The following TP53BP2 variants were observed in gnomAD, a reference collection of about 807,000 sequenced individuals.
TP53BP2 encodes tumor protein p53 binding protein 2.
In TP53BP2, 62 loss-of-function variants were observed where a neutral mutation model predicts 126.2. The observed-to-expected ratio is 0.49, with a 90% confidence interval of 0.40 to 0.61. The LOEUF (loss-of-function observed/expected upper bound fraction) is 0.61. TP53BP2 is among the 20% of genes least tolerant of loss of function. TP53BP2 has a pLI of 0.00. For synonymous variants in TP53BP2, 485 were observed against 502.9 expected (o/e 0.96, Z 0.48); for missense variants, 1,215 against 1,402.8 (o/e 0.87, Z 2.14).
chr1:223,829,100 G>C (rs759109752), intron 1 of TP53BP2, among the ~76,000 whole-genome samples: 4 of 152,146 alleles, frequency 2.6e-5, no homozygotes, highest in Non-Finnish European at 5.9e-5. Context: ...GCAGAGGCAG[G>C]GGAATCACTT....
chr1:223,845,580 A>G, intron 1 of TP53BP2, 74 bp downstream of exon 1: 1 of 1,422,802 alleles, frequency 7.0e-7, no homozygotes, highest in East Asian at 3.0e-5. Context: ...GACGCGCCCG[A>G]GGGCGCGGAC....
chr1:223,792,361 T>C, intron 15 of TP53BP2, 28 bp downstream of exon 15: 3 of 1,580,282 alleles, frequency 1.9e-6, no homozygotes, highest in Non-Finnish European at 2.6e-6. Flanking sequence ...CAACTGAAGT[T>C]TGACTGGAGT....
intron 15 of TP53BP2, 47 bp from the exon 16 acceptor site, chr1:223,789,221 G>C: frequency 6.3e-7 from 1 of 1,592,712 alleles, no homozygotes; most frequent in Non-Finnish European, 8.6e-7. Context: ...TAAACTGAAT[G>C]ACACCTGCTG....
chr1:223,798,367 G>A lies in TP53BP2; in HGVS notation c.1796C>T (p.Thr599Ile), dbSNP rs1200351268. 2 of 1,614,168 alleles carry A rather than the reference G, an allele frequency of 1.2e-6. No homozygotes were observed. The highest frequency in any genetic ancestry group is 1.7e-6 in the Non-Finnish European group (2 of 1,180,030). The change falls in exon 12 of 18, where the codon ACC becomes ATC. Residue 599 changes from threonine (T) to isoleucine (I), a missense_variant. By Grantham distance (89) the Thr-to-Ile change is moderately conservative. This residue lies in a region of TP53BP2 where 814 missense variants were observed against 853.0 expected (regional missense o/e 0.95). Coordinates refer to ENST00000343537, the MANE Select transcript of TP53BP2 (RefSeq NM_001031685.3). ...RPFTPQPSKDTLLPPFRKPQT... is the reference protein window; with the variant it reads ...RPFTPQPSKDILLPPFRKPQT... ...GGGTTTTCTGAAGGGTGGAAGTAAG[G>A]TGTCTTTGGAAGGCTGGGGAGTAAA...
At chr1:223,787,698 C>T (rs1662017406) in intron 16 of TP53BP2, among the ~76,000 whole-genome samples, 1 of 152,094 alleles carries the variant, frequency 6.6e-6, no homozygotes, top group Admixed American at 6.6e-5. Context: ...GACAACATGG[C>T]AAAATTCCAT....
Position 223,784,207 on chromosome 1 carries a change from T to C in TP53BP2, c.3271A>G (p.Thr1091Ala). 6.2e-7 allele frequency: 1 copy of C among 1,614,216 alleles called. No homozygotes were observed. The highest frequency in any genetic ancestry group is 8.5e-7 in the Non-Finnish European group (1 of 1,180,046). Residue 1091 changes from threonine (T) to alanine (A), a missense_variant, in exon 17 of 18, where the codon ACA (threonine) becomes GCA (alanine). Around this residue, in one of 4 missense-constraint regions of TP53BP2, gnomAD observed 151 missense variants for 231.2 expected, o/e 0.65. Coordinates refer to ENST00000343537, the MANE Select transcript of TP53BP2 (RefSeq NM_001031685.3). ...ELPMKEGDCM[T>A]IIHREDEDEI... ...TCTTCGTCTTCCCTGTGGATGATTG[T>C]CATGCAGTCTCCTTCTTTCATGGGC...
chr1:223,837,426 C>T lies in TP53BP2; in HGVS notation c.27+8228G>A, dbSNP rs79860858. 6.8e-3 allele frequency among the ~76,000 whole-genome samples: 1,037 copies of T among 152,164 alleles called. 10 individuals carry two copies. Among genetic ancestry groups the T allele is most frequent in the African/African-American group, 0.024 (1,002 of 41,510 alleles). ...TTCTCTTTAGCCCCATAGGAAGGAG[C>T]TTGTGGATACAGGAGTGATCTTCCA... On this transcript the variant is annotated intron_variant, in intron 1 of 17. Coordinates refer to ENST00000343537, the MANE Select transcript of TP53BP2 (RefSeq NM_001031685.3).
chr1:223,824,764 G>C (rs916254512), intron 1 of TP53BP2, among the ~76,000 whole-genome samples: 1 of 152,004 alleles, frequency 6.6e-6, no homozygotes, highest in African/African-American at 2.4e-5. Flanking sequence ...AGCCTACAAG[G>C]TCTGCTGTAG....
intron 1 of TP53BP2, among the ~76,000 whole-genome samples, chr1:223,834,469 G>A (rs182590384): frequency 5.3e-5 from 8 of 152,142 alleles, no homozygotes; most frequent in African/African-American, 1.9e-4. Flanking sequence ...TAACAACAGT[G>A]TGTATTAATC....
intron 16 of TP53BP2, among the ~76,000 whole-genome samples, chr1:223,788,539 GA>G (rs908708412): frequency 6.6e-6 from 1 of 151,996 alleles, no homozygotes; most frequent in South Asian, 2.1e-4. Flanking sequence ...AAACAAAAGA[GA>G]AAAAAATAAA....
chr1:223,789,240 T>C, intron 15 of TP53BP2, 66 bp from the exon 16 acceptor site: 1 of 1,565,022 alleles, frequency 6.4e-7, no homozygotes, highest in South Asian at 1.2e-5. Flanking sequence ...TGATAAGATA[T>C]CTGGAAAGAA....
At chr1:223,805,546 C>T (rs184907552) in intron 5 of TP53BP2, among the ~76,000 whole-genome samples, 2 of 152,318 alleles carry the variant, frequency 1.3e-5, no homozygotes, top group Admixed American at 6.5e-5. Flanking sequence ...GTATTACAAA[C>T]AGAAATGGAT....
chr1:223,841,729 G>GTA (rs1327902590), intron 1 of TP53BP2, among the ~76,000 whole-genome samples: 3 of 151,974 alleles, frequency 2.0e-5, no homozygotes, highest in Admixed American at 2.0e-4. Flanking sequence ...AGGAGATACT[G>GTA]TAATATCCCA....
chr1:223,800,777 C>T lies in TP53BP2; in HGVS notation c.1259G>A (p.Ser420Asn), dbSNP rs2102851069. The change falls in exon 10 of 18, where the codon AGT becomes AAT. Residue 420 changes from serine (S) to asparagine (N), a missense_variant. Physicochemically the swap from Ser to Asn is conservative, Grantham distance 46 (BLOSUM62 1). Coordinates refer to ENST00000343537, the MANE Select transcript of TP53BP2 (RefSeq NM_001031685.3). Reference sequence around the variant, plus strand: ...TGGGAAAAGATCTGCATTTGAAGGACTCCAATCAGGGCCAACTGGATGGAT... The same window carrying T: ...TGGGAAAAGATCTGCATTTGAAGGATTCCAATCAGGGCCAACTGGATGGAT... ...SKIHPVGPDW[S>N]PSNADLFPSQ... The T allele has an allele frequency of 6.2e-7, 1 of 1,610,832 alleles. No individual in the cohort carries two copies. Among genetic ancestry groups the T allele is most frequent in the Non-Finnish European group, 8.5e-7 (1 of 1,179,184 alleles).
At chr1:223,835,769 A>G (rs894428322) in intron 1 of TP53BP2, among the ~76,000 whole-genome samples, 1 of 152,364 alleles carries the variant, frequency 6.6e-6, no homozygotes, top group South Asian at 2.1e-4. Flanking sequence ...TGCTAGAAAC[A>G]CAAAGATGAA....
At chr1:223,795,487 CAA>C (rs1294510979) in intron 13 of TP53BP2, among the ~76,000 whole-genome samples, 5 of 152,292 alleles carry the variant, frequency 3.3e-5, no homozygotes, top group African/African-American at 9.6e-5. Context: ...AGCTAGTAAT[CAA>C]AAGTTTCAAA....
At chr1:223,785,376 G>A (rs1365881700) in intron 16 of TP53BP2, among the ~76,000 whole-genome samples, 1 of 152,170 alleles carries the variant, frequency 6.6e-6, no homozygotes, top group Non-Finnish European at 1.5e-5. Flanking sequence ...AATCTAAAGA[G>A]ACAATTTCCA....
chr1:223,830,636 A>G (rs1011341001), intron 1 of TP53BP2, among the ~76,000 whole-genome samples: 6 of 152,184 alleles, frequency 3.9e-5, no homozygotes, highest in Admixed American at 1.3e-4. Flanking sequence ...CTAAATATAC[A>G]AAAACATGGA....
chr1:223,798,444 G>A lies in TP53BP2; in HGVS notation c.1719C>T (p.Thr573=), dbSNP rs1662411245. 1 of 1,614,038 alleles carries A rather than the reference G, an allele frequency of 6.2e-7. No homozygotes were observed. Among genetic ancestry groups the A allele is most frequent in the African/African-American group, 1.3e-5 (1 of 74,910 alleles). ...TTTCTTGCTTAGAACCTGGAGAAAGGGTCTGGTCTTGGCCAACCGAAGGTA... is the reference window on the plus strand; with the variant it reads ...TTTCTTGCTTAGAACCTGGAGAAAGAGTCTGGTCTTGGCCAACCGAAGGTA... ...PSIPSVGQDQ[T]LSPGSKQESP... Residue 573 remains threonine, a synonymous_variant, in exon 12 of 18, where the codon ACC becomes ACT. Coordinates refer to ENST00000343537, the MANE Select transcript of TP53BP2 (RefSeq NM_001031685.3).
Sources: allele counts gnomAD v4.1 joint callset (sites outside exome capture counted in the v4.1 genomes callset), GRCh38; gene constraint gnomAD v4.1.1; regional missense constraint gnomAD v4.1.1; transcripts MANE v1.5; gene names NCBI Gene and HGNC (gene_info 2026-07-23, HGNC 2026-07-21).